STXBP5L: variants seen among roughly 807,000 people sequenced by gnomAD.
STXBP5L encodes the protein syntaxin binding protein 5L, also known as syntaxin-binding protein 5-like.
STXBP5L carries 65 observed loss-of-function variants against 144.5 expected under a neutral mutation model. The ratio of observed to expected loss-of-function variants is 0.45; its 90% confidence interval spans 0.37 to 0.55. STXBP5L has a LOEUF of 0.55. Ranked by LOEUF, STXBP5L falls within the 20% of genes least tolerant of loss-of-function variation. The pLI is 0.00. For synonymous variants in STXBP5L, 505 were observed against 469.6 expected, an observed-to-expected ratio of 1.08 and a Z score of -0.97; for missense variants, 1,298 against 1,405.5, an observed-to-expected ratio of 0.92 and a Z score of 1.22.
At chr3:121,068,744 C>G (rs778923620) in intron 5 of STXBP5L, among the ~76,000 whole-genome samples, 22 of 152,040 alleles carry the variant, frequency 1.4e-4, no homozygotes, top group Middle Eastern at 3.4e-3. Context: ...ATATATTTAT[C>G]AGCATATGTA....
chr3:121,216,619 G>C (rs886802048), intron 10 of STXBP5L, among the ~76,000 whole-genome samples: 2 of 152,282 alleles, frequency 1.3e-5, no homozygotes, highest in Middle Eastern at 3.4e-3. Context: ...GGTGTCTGTC[G>C]ATCACTGCTG....
At chr3:121,139,090 T>G (rs13318249) in intron 7 of STXBP5L, among the ~76,000 whole-genome samples, 79,512 of 151,536 alleles carry the variant, frequency 0.52, 21,398 homozygotes, top group African/African-American at 0.62. Context: ...AGAGTAGAAG[T>G]CAAGGAGAAG....
chr3:120,964,702 A>G (rs1223724102), intron 3 of STXBP5L, among the ~76,000 whole-genome samples: 1 of 152,118 alleles, frequency 6.6e-6, no homozygotes, highest in East Asian at 1.9e-4. Context: ...TATGTGGCCA[A>G]TTTTGAAACA....
At chr3:121,247,130 C>A (rs1307283914) in intron 14 of STXBP5L, among the ~76,000 whole-genome samples, 1 of 152,134 alleles carries the variant, frequency 6.6e-6, no homozygotes, top group Non-Finnish European at 1.5e-5. Flanking sequence ...CAGTGACTAA[C>A]CCCCTCTCAA....
At chr3:120,965,238 G>A (rs1281200828) in intron 3 of STXBP5L, among the ~76,000 whole-genome samples, 1 of 152,076 alleles carries the variant, frequency 6.6e-6, no homozygotes. Flanking sequence ...TATCCAATTT[G>A]CCAGTCTGTG....
chr3:121,193,948 G>A, intron 9 of STXBP5L, among the ~76,000 whole-genome samples: 1 of 143,296 alleles, frequency 7.0e-6, no homozygotes. Flanking sequence ...TTGTGCACAT[G>A]TACACTAGAA....
At chr3:121,296,732 G>A (rs1032290775) in intron 19 of STXBP5L, among the ~76,000 whole-genome samples, 1 of 152,164 alleles carries the variant, frequency 6.6e-6, no homozygotes, top group African/African-American at 2.4e-5. Context: ...AAAATAGCCA[G>A]TGAGGTTTAA....
rs372774285 is a variant in STXBP5L at position 121,257,290 on chromosome 3, G to A, written c.1789G>A (p.Val597Ile). Residue 597 changes from valine to isoleucine, a missense_variant, in exon 17 of 27, where the codon GTT (valine) becomes ATT (isoleucine). By Grantham distance (29) the Val-to-Ile change is conservative. Coordinates refer to ENST00000471454, the MANE Select transcript of STXBP5L (RefSeq NM_001308330.2). ...GAGTCTTTCTGGGAGCACTAACACT[G>A]TTGCTAGTGAAGGAGTAACAAAGGA... The part of the protein sequence containing the change: ...SRSLSGSTNT[V>I]ASEGVTKDSI... 1.2e-5 allele frequency: 20 copies of A among 1,613,260 alleles called. No homozygotes were observed. Among genetic ancestry groups the A allele is most frequent in the Non-Finnish European group, 1.6e-5 (19 of 1,179,540 alleles).
At chr3:121,397,879 C>A (rs1215273885) in intron 22 of STXBP5L, among the ~76,000 whole-genome samples, 2 of 152,070 alleles carry the variant, frequency 1.3e-5, no homozygotes, top group East Asian at 3.9e-4. Context: ...TTAAATTGAG[C>A]AGGTTGAATT....
intron 5 of STXBP5L, among the ~76,000 whole-genome samples, chr3:121,113,924 G>A (rs1008513654): frequency 2.0e-5 from 3 of 151,868 alleles, no homozygotes; most frequent in Admixed American, 1.3e-4. Context: ...CACCTGCCTC[G>A]GCCTCTCAAA....
intron 10 of STXBP5L, among the ~76,000 whole-genome samples, chr3:121,216,093 A>T (rs537168036): frequency 6.6e-6 from 1 of 152,100 alleles, no homozygotes; most frequent in Non-Finnish European, 1.5e-5. Context: ...TAGTTCCTCT[A>T]ACCTTTTTTC....
At chr3:121,333,764 C>A (rs1262213238) in intron 20 of STXBP5L, among the ~76,000 whole-genome samples, 1 of 152,080 alleles carries the variant, frequency 6.6e-6, no homozygotes, top group Non-Finnish European at 1.5e-5. Flanking sequence ...ACAGAAATTA[C>A]AAAACCTAGA....
At chr3:121,031,946 A>G (rs1946399857) in intron 3 of STXBP5L, among the ~76,000 whole-genome samples, 1 of 152,158 alleles carries the variant, frequency 6.6e-6, no homozygotes, top group Non-Finnish European at 1.5e-5. Context: ...AGGATACAGA[A>G]AAAGCAAAGC....
In STXBP5L at chr3:121,187,064, G is replaced by T. The variant is rs551756134; in HGVS notation, c.878-18859G>T. On this transcript the variant is annotated intron_variant, in intron 9 of 26. Coordinates refer to ENST00000471454, the MANE Select transcript of STXBP5L (RefSeq NM_001308330.2). ...TTTGACCCAGCCATCCCATTACTGG[G>T]TATATACCCAAAGGATAATAAAAGA... 3.1e-3 allele frequency among the ~76,000 whole-genome samples: 474 copies of T among 152,266 alleles called. 5 individuals carry two copies. Among genetic ancestry groups the T allele is most frequent in the Non-Finnish European group, 5.0e-3 (339 of 68,026 alleles).
intron 3 of STXBP5L, among the ~76,000 whole-genome samples, chr3:120,981,229 C>G (rs1302450285): frequency 2.6e-5 from 4 of 152,086 alleles, no homozygotes; most frequent in African/African-American, 7.2e-5. Context: ...TTCTGACTTT[C>G]TTGTATGTGA....
At chr3:121,100,555 G>A (rs1022996395) in intron 5 of STXBP5L, among the ~76,000 whole-genome samples, 3 of 152,040 alleles carry the variant, frequency 2.0e-5, no homozygotes, top group African/African-American at 7.2e-5. Flanking sequence ...AATGAAAACA[G>A]AGACATGACT....
At chr3:120,990,567 G>A (rs1576590513) in intron 3 of STXBP5L, among the ~76,000 whole-genome samples, 1 of 151,968 alleles carries the variant, frequency 6.6e-6, no homozygotes, top group South Asian at 2.1e-4. Context: ...ATACTACAAG[G>A]CTACAGTAAC....
chr3:121,029,695 C>T (rs770035269), intron 3 of STXBP5L, among the ~76,000 whole-genome samples: 3 of 150,808 alleles, frequency 2.0e-5, no homozygotes, highest in Non-Finnish European at 4.4e-5. Flanking sequence ...TCTAATTAAA[C>T]TAAAGAGATT....
intron 19 of STXBP5L, among the ~76,000 whole-genome samples, chr3:121,305,371 C>G (rs1053593921): frequency 1.1e-4 from 17 of 152,010 alleles, no homozygotes; most frequent in Admixed American, 2.6e-4. Flanking sequence ...AATAAAAGTA[C>G]AAGTCAGTCT....
Sources: allele counts gnomAD v4.1 joint callset (sites outside exome capture counted in the v4.1 genomes callset), GRCh38; gene constraint gnomAD v4.1.1; transcripts MANE v1.5; gene names NCBI Gene and HGNC (gene_info 2026-07-23, HGNC 2026-07-21).